The following ERAS variants were observed in gnomAD, a reference collection of about 807,000 sequenced individuals.
ERAS encodes GTPase ERas.
For missense variants in ERAS, 137 were observed against 199.2 expected, an observed-to-expected ratio of 0.69 and a Z score of 1.88; for synonymous variants, 87 against 89.1, an observed-to-expected ratio of 0.98 and a Z score of 0.13.
chrX:48,828,899 G>A (rs1557032934), intron 1 of ERAS, 182 bp from the exon 2 acceptor site: 1 of 296,924 alleles, frequency 3.4e-6, no homozygotes, highest in East Asian at 4.9e-5. Flanking sequence ...GAGATGGGGG[G>A]ACGTGGGACA....
At position 48,829,343 on chromosome X, in the gene ERAS, A is replaced by C; in HGVS notation, c.220A>C (p.Ile74Leu). 1 of 1,212,352 alleles carries C rather than the reference A, an allele frequency of 8.2e-7. No individual in the cohort carries two copies. The highest frequency in any genetic ancestry group is 1.1e-6 in the Non-Finnish European group (1 of 895,538). ...CTTCGTGGAGGACCACGACCCCACC[A>C]TCCAGGATTCCTACTGGAAGGAGTT... Reference protein sequence around the residue: ...QCFVEDHDPTIQDSYWKELTL... With the variant: ...QCFVEDHDPTLQDSYWKELTL... Residue 74 changes from isoleucine (I) to leucine (L), a missense_variant, in exon 2 of 2, where the codon ATC becomes CTC. Transcript: ENST00000636362.
chrX:48,828,272 AC>A (rs1324636968), intron 1 of ERAS, among the ~76,000 whole-genome samples: 3 of 110,502 alleles, frequency 2.7e-5, no homozygotes, highest in African/African-American at 9.9e-5. Context: ...CAGGTGATCC[AC>A]CCGACTCGGC....
intron 1 of ERAS, among the ~76,000 whole-genome samples, chrX:48,827,470 G>A (rs1419728366): frequency 9.0e-6 from 1 of 111,219 alleles, no homozygotes; most frequent in African/African-American, 3.3e-5. Flanking sequence ...TCCCGCCCCC[G>A]CTCCTTCTGG....
rs782369260 is a variant in ERAS, at chrX:48,829,684, C to T, written c.561C>T (p.Gly187=). 25 of 1,206,545 alleles carry T rather than the reference C, an allele frequency of 2.1e-5. No homozygotes were observed. Among genetic ancestry groups the T allele is most frequent in the Non-Finnish European group, 2.7e-5 (24 of 893,262 alleles). ...AGACCTCGGCCAAAACACGGCAAGG[C>T]GTGGAGGAGGCCTTTTCCCTGCTGG... The part of the protein sequence containing the change: ...FVETSAKTRQ[G]VEEAFSLLVH... Residue 187 remains glycine, a synonymous_variant, in exon 2 of 2, where the codon GGC becomes GGT. Coordinates refer to ENST00000636362, the MANE Select transcript of ERAS (RefSeq NM_181532.3).
chrX:48,829,563 TC>T lies in ERAS; in HGVS notation c.442del (p.Leu148SerfsTer9). On this transcript the variant is annotated frameshift_variant, in exon 2 of 2. Transcript: ENST00000636362. LOFTEE classifies it low-confidence loss of function (END_TRUNC). ...TWGPHPAQPLVLVGNKCDLVT... is the reference protein window; with the variant it reads ...TWGPHPAQPLXLVGNKCDLVT... ...GGCCCTCACCCCGCCCAGCCCCTTG[TC>T]CTCGTGGGCAACAAGTGTGACCTTG... 1 of 1,211,222 alleles carries T rather than the reference TC, an allele frequency of 8.3e-7. No individual in the cohort carries two copies. Among genetic ancestry groups the T allele is most frequent in the South Asian group, 1.8e-5 (1 of 56,823 alleles).
At chrX:48,828,027 T>G (rs1303247778) in intron 1 of ERAS, among the ~76,000 whole-genome samples, 1 of 104,463 alleles carries the variant, frequency 9.6e-6, no homozygotes, top group Non-Finnish European at 2.0e-5. Flanking sequence ...TTCACTTTTT[T>G]TTTTTTTTTT....
At chrX:48,826,751 G>C (rs1557032643) in intron 1 of ERAS, among the ~76,000 whole-genome samples, 2 of 112,110 alleles carry the variant, frequency 1.8e-5, no homozygotes. Flanking sequence ...ATGCCCGGGC[G>C]ACGCTGCTCA....
At chrX:48,827,230 C>T (rs1019067493) in intron 1 of ERAS, among the ~76,000 whole-genome samples, 5 of 111,417 alleles carry the variant, frequency 4.5e-5, no homozygotes, top group Non-Finnish European at 3.8e-5. Flanking sequence ...ACCGTCGGCG[C>T]CCCCAGACTC....
At chrX:48,827,442 C>T (rs782362989) in intron 1 of ERAS, among the ~76,000 whole-genome samples, 1 of 111,519 alleles carries the variant, frequency 9.0e-6, no homozygotes, top group Non-Finnish European at 1.9e-5. Context: ...CTCCGTCCTC[C>T]GCTTCCTGCT....
intron 1 of ERAS, among the ~76,000 whole-genome samples, chrX:48,828,072 C>T (rs1557032848): frequency 2.0e-5 from 2 of 98,215 alleles, no homozygotes; most frequent in African/African-American, 7.7e-5. Context: ...ATCTCCCAGG[C>T]TGGAGTGCAA....
chrX:48,827,990 T>A (rs1237124680), intron 1 of ERAS, among the ~76,000 whole-genome samples: 1 of 109,515 alleles, frequency 9.1e-6, no homozygotes, highest in Non-Finnish European at 1.9e-5. Context: ...ACCTTCTGCA[T>A]GCTTATCACC....
rs782436581 is a variant in ERAS at position 48,826,894 on chromosome X, C to T, written c.-44+345C>T. 1.3e-3 allele frequency among the ~76,000 whole-genome samples: 148 copies of T among 112,965 alleles called. 1 individual carries two copies. Among genetic ancestry groups the T allele is most frequent in the African/African-American group, 4.7e-3 (147 of 31,229 alleles). On this transcript the variant is annotated intron_variant, in intron 1 of 1. Coordinates refer to ENST00000636362, the MANE Select transcript of ERAS (RefSeq NM_181532.3). ...CCCCAGGTCCCGGCCCCTTAGCGCG[C>T]CAGCCTTGGTGAGCTGGGCGAAGCC...
chrX:48,826,861 C>T (rs1441480471), intron 1 of ERAS, among the ~76,000 whole-genome samples: 1 of 112,649 alleles, frequency 8.9e-6, no homozygotes, highest in African/African-American at 3.2e-5. Context: ...CTGGCGAGGC[C>T]GCCCTAACCC....
At position 48,829,585 on chromosome X, in the gene ERAS, C is replaced by T. The variant is rs201845858; in HGVS notation, c.462C>T (p.Asp154=). The change falls in exon 2 of 2, where the codon GAC becomes GAT. Residue 154 remains aspartate, a synonymous_variant. Coordinates refer to ENST00000636362, the MANE Select transcript of ERAS (RefSeq NM_181532.3). The part of the protein sequence containing the change: ...QPLVLVGNKC[D]LVTTAGDAHA... ...TTGTCCTCGTGGGCAACAAGTGTGACCTTGTGACCACTGCTGGAGATGCTC... is the reference window on the plus strand; with the variant it reads ...TTGTCCTCGTGGGCAACAAGTGTGATCTTGTGACCACTGCTGGAGATGCTC... 165 of 1,209,138 alleles carry T rather than the reference C, an allele frequency of 1.4e-4. No homozygotes were observed. Among genetic ancestry groups the T allele is most frequent in the Non-Finnish European group, 1.8e-4 (157 of 893,996 alleles).
rs140112568 is a variant in ERAS at position 48,829,477 on chromosome X, C to T, written c.354C>T (p.Gly118=). 583 of 1,210,702 alleles carry T rather than the reference C, an allele frequency of 4.8e-4. 4 individuals carry two copies. The African/African-American group carries it at 8.7e-3, about 18-fold the overall frequency. The part of the protein sequence containing the change: ...QCLAVCDGVL[G]VFALDDPSSL... ...TGGCTGTCTGTGATGGTGTGCTGGG[C>T]GTCTTCGCTCTCGATGACCCCTCGT... Residue 118 remains glycine (G), a synonymous_variant, in exon 2 of 2, where the codon GGC becomes GGT. Transcript: ENST00000636362.
At chrX:48,826,976 C>T (rs1369970221) in intron 1 of ERAS, among the ~76,000 whole-genome samples, 1 of 112,803 alleles carries the variant, frequency 8.9e-6, no homozygotes, top group Non-Finnish European at 1.9e-5. Flanking sequence ...GCCGGGGGCT[C>T]CGCGCCACTT....
chrX:48,826,743 G>T (rs1047797808), intron 1 of ERAS, among the ~76,000 whole-genome samples, 194 bp downstream of exon 1: 3 of 112,104 alleles, frequency 2.7e-5, no homozygotes, highest in African/African-American at 9.7e-5. Flanking sequence ...TTGACAGGAT[G>T]CCCGGGCGAC....
chrX:48,827,436 G>A (rs1303135941), intron 1 of ERAS, among the ~76,000 whole-genome samples: 1 of 111,107 alleles, frequency 9.0e-6, no homozygotes, highest in Non-Finnish European at 1.9e-5. Context: ...CCCAAGCTCC[G>A]TCCTCCGCTT....
intron 1 of ERAS, among the ~76,000 whole-genome samples, chrX:48,827,053 A>G (rs1405864300): frequency 8.9e-6 from 1 of 112,110 alleles, no homozygotes; most frequent in Admixed American, 9.2e-5. Flanking sequence ...TGCCCTCGGC[A>G]CGTGCCTCTG....
Sources: gnomAD v4.1 joint callset for allele counts (sites outside exome capture counted in the v4.1 genomes callset) on GRCh38, gnomAD v4.1.1 for gene constraint, MANE v1.5 for transcripts, NCBI Gene and HGNC (gene_info 2026-07-23, HGNC 2026-07-21) for gene names.